Variants in SSBP3 observed in about 807,000 individuals in gnomAD.
SSBP3 encodes single-stranded DNA-binding protein 3.
Under a neutral mutation model 69.6 loss-of-function variants are expected in SSBP3, and 5 were observed. The ratio of observed to expected loss-of-function variants is 0.07; its 90% CI spans 0.04 to 0.15. The LOEUF is 0.15. Ranked by LOEUF, SSBP3 falls within the 10% of genes least tolerant of loss-of-function variation. The pLI is 1.00. For missense variants in SSBP3, 312 were observed against 534.0 expected (o/e 0.58, Z 4.10); for synonymous variants, 196 against 193.4 (o/e 1.01, Z -0.11).
rs917570326 is a variant in SSBP3, at chr1:54,249,556, G to A, written c.651+2060C>T. Among the ~76,000 whole-genome samples, 22 of 152,038 alleles carry A rather than the reference G, an allele frequency of 1.4e-4. 1 individual carries two copies. Among genetic ancestry groups the A allele is most frequent in the Admixed American group, 3.3e-4 (5 of 15,256 alleles). On this transcript the variant is annotated intron_variant, in intron 9 of 17. Transcript: ENST00000610401. The stretch of plus-strand genomic sequence containing the variant: ...CTAAAAATACAAAAATTAGCCAGGC[G>A]TGGTGGTGGGAGCCTGTAGTCCCAG...
At chr1:54,269,400 C>CT in intron 5 of SSBP3, among the ~76,000 whole-genome samples, 1 of 152,328 alleles carries the variant, frequency 6.6e-6, no homozygotes, top group East Asian at 1.9e-4. Flanking sequence ...TCCACGCTCT[C>CT]TAACACTGCT....
chr1:54,252,885 G>A (rs893899382), intron 7 of SSBP3, among the ~76,000 whole-genome samples: 5 of 152,202 alleles, frequency 3.3e-5, no homozygotes, highest in Admixed American at 3.3e-4. Flanking sequence ...TGTCAGTGCT[G>A]ATCAAAGGCT....
chr1:54,238,347 T>C (rs1309088520), intron 14 of SSBP3: 1 of 470,506 alleles, frequency 2.1e-6, no homozygotes, highest in Non-Finnish European at 4.4e-6. Flanking sequence ...CTACAGTCTG[T>C]AGACCTCCTT....
chr1:54,408,806 G>C (rs1355300980), upstream of SSBP3, among the ~76,000 whole-genome samples: 1 of 152,232 alleles, frequency 6.6e-6, no homozygotes, highest in East Asian at 1.9e-4. Context: ...AAGAAGAGAG[G>C]GGTAGGGTTC....
At chr1:54,242,465 C>T (rs1644656809) in intron 10 of SSBP3, among the ~76,000 whole-genome samples, 1 of 152,194 alleles carries the variant, frequency 6.6e-6, no homozygotes, top group Non-Finnish European at 1.5e-5. Flanking sequence ...ATTCCCTTTG[C>T]ATGTGCATTT....
chr1:54,402,397 A>AGGTG (rs1649374040), intron 3 of SSBP3, among the ~76,000 whole-genome samples: 1 of 152,190 alleles, frequency 6.6e-6, no homozygotes, highest in South Asian at 2.1e-4. Flanking sequence ...ATCCTAAAAA[A>AGGTG]GGTTCAAGTG....
intron 4 of SSBP3, among the ~76,000 whole-genome samples, chr1:54,388,446 G>C (rs1455348668): frequency 1.3e-5 from 2 of 152,198 alleles, no homozygotes; most frequent in African/African-American, 4.8e-5. Flanking sequence ...CCTGGCCTGG[G>C]GTAAATGCAG....
At chr1:54,339,453 A>C (rs751942904) in intron 4 of SSBP3, among the ~76,000 whole-genome samples, 3 of 152,214 alleles carry the variant, frequency 2.0e-5, no homozygotes, top group Non-Finnish European at 4.4e-5. Context: ...CTTGGGCCTC[A>C]GTTTCATCAA....
At chr1:54,225,590 CAA>C (rs1644273445) in exon 18 of SSBP3, 4 of 449,484 alleles carry the variant, frequency 8.9e-6, no homozygotes, top group South Asian at 1.2e-4. Context: ...ATAATCCGCA[CAA>C]AGTCTTTTTT....
chr1:54,245,481 T>C (rs1298679934), intron 9 of SSBP3, among the ~76,000 whole-genome samples: 1 of 152,134 alleles, frequency 6.6e-6, no homozygotes, highest in African/African-American at 2.4e-5. Flanking sequence ...AGAGCCAATA[T>C]TGGGCTGATA....
intron 4 of SSBP3, among the ~76,000 whole-genome samples, chr1:54,334,654 T>C (rs1646477753): frequency 6.6e-6 from 1 of 152,240 alleles, no homozygotes; most frequent in Admixed American, 6.5e-5. Context: ...AGGATGGTTT[T>C]AAGAATGGAA....
chr1:54,362,874 G>A (rs1166422926), intron 4 of SSBP3, among the ~76,000 whole-genome samples: 5 of 152,140 alleles, frequency 3.3e-5, no homozygotes, highest in Non-Finnish European at 4.4e-5. Context: ...AGATAACGGC[G>A]AGGACAGGCA....
At chr1:54,344,173 GAAA>G (rs573349884) in intron 4 of SSBP3, among the ~76,000 whole-genome samples, 1 of 150,366 alleles carries the variant, frequency 6.7e-6, no homozygotes, top group African/African-American at 2.4e-5. Context: ...AAACGTTGAG[GAAA>G]AAAAAAGTCA....
chr1:54,315,391 A>C (rs1646077013), intron 4 of SSBP3, among the ~76,000 whole-genome samples: 1 of 152,052 alleles, frequency 6.6e-6, no homozygotes. Context: ...ACCACACACC[A>C]CTTGGTACTA....
At position 54,243,748 on chromosome 1, in the gene SSBP3, G is replaced by A. The variant is rs192347754; in HGVS notation, c.652-449C>T. 1.7e-4 allele frequency among the ~76,000 whole-genome samples: 26 copies of A among 152,274 alleles called. 1 individual carries two copies. The highest frequency in any genetic ancestry group is 1.4e-3 in the Admixed American group (22 of 15,300). ...GGGAGCAGGCACTCCTGAGAAGCCT[G>A]CCCGAGGCTGGTGCAGGCCCAGGCC... On this transcript the variant is annotated intron_variant, in intron 9 of 17. Coordinates refer to ENST00000610401, the Ensembl canonical transcript of SSBP3.
intron 4 of SSBP3, among the ~76,000 whole-genome samples, chr1:54,297,870 T>G (rs1557508025): frequency 6.6e-6 from 1 of 152,170 alleles, no homozygotes; most frequent in Admixed American, 6.5e-5. Context: ...TTGCAACAAC[T>G]AAGCTGCCTG....
intron 5 of SSBP3, among the ~76,000 whole-genome samples, chr1:54,269,727 G>C (rs1645161287): frequency 6.6e-6 from 1 of 152,208 alleles, no homozygotes; most frequent in African/African-American, 2.4e-5. Flanking sequence ...TGATGGAGGG[G>C]CAGAGGCCAG....
intron 4 of SSBP3, among the ~76,000 whole-genome samples, chr1:54,329,752 C>G (rs1646374907): frequency 6.6e-6 from 1 of 152,194 alleles, no homozygotes; most frequent in Non-Finnish European, 1.5e-5. Flanking sequence ...GATGCCATGG[C>G]AGCAAATGTT....
intron 14 of SSBP3, chr1:54,237,444 A>C (rs1486315380): frequency 6.6e-6 from 1 of 152,166 alleles, no homozygotes; most frequent in African/African-American, 2.4e-5. Flanking sequence ...AGGTCAAAAA[A>C]ACCTTGATTT....
Sources: allele counts gnomAD v4.1 joint callset (sites outside exome capture counted in the v4.1 genomes callset), GRCh38; gene constraint gnomAD v4.1.1; transcripts MANE v1.5; gene names NCBI Gene and HGNC (gene_info 2026-07-23, HGNC 2026-07-21).